The following CDH18 variants were observed in gnomAD, a reference collection of about 807,000 sequenced individuals.
CDH18 encodes cadherin 18, also known as cadherin-18.
Under a neutral mutation model 67.9 loss-of-function variants are expected in CDH18, and 31 were observed. The ratio of observed to expected loss-of-function variants is 0.46; its 90% CI spans 0.34 to 0.62. The LOEUF (loss-of-function observed/expected upper bound fraction) is 0.62, where lower values mean the gene tolerates loss of function less well. Ranked by LOEUF, CDH18 falls within the 20% of genes least tolerant of loss-of-function variation. The pLI, the probability that CDH18 is intolerant of heterozygous loss-of-function variation, is 0.01. For synonymous variants in CDH18, 362 were observed against 347.2 expected (o/e 1.04, Z -0.48); for missense variants, 890 against 975.5 (o/e 0.91, Z 1.17).
chr5:20,319,966 A>T (rs4513700), intron 1 of CDH18, among the ~76,000 whole-genome samples: 16,236 of 152,172 alleles, frequency 0.11, 942 homozygotes, highest in Non-Finnish European at 0.13. Flanking sequence ...GTCTTTTGAT[A>T]TGTCTGCATG....
intron 5 of CDH18, among the ~76,000 whole-genome samples, chr5:19,669,071 A>G (rs940621189): frequency 1.0e-4 from 15 of 148,998 alleles, no homozygotes; most frequent in African/African-American, 3.4e-4. Flanking sequence ...TTCAGAGCAT[A>G]ATGATTACTT....
intron 9 of CDH18, among the ~76,000 whole-genome samples, chr5:19,535,631 A>G (rs531264772): frequency 1.6e-4 from 24 of 152,270 alleles, no homozygotes; most frequent in Non-Finnish European, 3.5e-4. Context: ...TAGTCTTTGG[A>G]TATGTTTGCA....
chr5:20,469,415 C>T (rs1581058794), intron 1 of CDH18, among the ~76,000 whole-genome samples: 1 of 152,246 alleles, frequency 6.6e-6, no homozygotes, highest in East Asian at 1.9e-4. Context: ...TTTATCTTCG[C>T]TTCTGCCTTT....
intron 5 of CDH18, among the ~76,000 whole-genome samples, chr5:19,704,700 G>A (rs1275516130): frequency 6.6e-6 from 1 of 152,156 alleles, no homozygotes; most frequent in Non-Finnish European, 1.5e-5. Context: ...ACTAAGTAAA[G>A]AGAAACTGGA....
chr5:19,587,727 T>C (rs556392301), intron 7 of CDH18, among the ~76,000 whole-genome samples: 2 of 152,114 alleles, frequency 1.3e-5, no homozygotes, highest in East Asian at 3.9e-4. Flanking sequence ...TCAGATAGCA[T>C]AATGCCTCCA....
At chr5:19,998,307 A>T (rs1736168374) in intron 2 of CDH18, among the ~76,000 whole-genome samples, 1 of 152,282 alleles carries the variant, frequency 6.6e-6, no homozygotes, top group African/African-American at 2.4e-5. Context: ...TTAAAATAAT[A>T]AAAAATTAAA....
chr5:20,459,186 G>A (rs542034969), intron 1 of CDH18, among the ~76,000 whole-genome samples: 14 of 152,238 alleles, frequency 9.2e-5, no homozygotes, highest in Non-Finnish European at 1.3e-4. Context: ...ACTGGGGGAG[G>A]GAATCCAGTT....
At chr5:19,770,851 T>TG (rs1425147546) in intron 3 of CDH18, among the ~76,000 whole-genome samples, 1 of 152,162 alleles carries the variant, frequency 6.6e-6, no homozygotes, top group Non-Finnish European at 1.5e-5. Context: ...TTTTGTATTT[T>TG]GGGGGGCAAA....
chr5:19,742,414 A>G (rs1769334951), intron 4 of CDH18, among the ~76,000 whole-genome samples: 1 of 151,846 alleles, frequency 6.6e-6, no homozygotes, highest in Admixed American at 6.6e-5. Flanking sequence ...GGGTACACAC[A>G]CACACACACA....
intron 1 of CDH18, among the ~76,000 whole-genome samples, chr5:20,336,304 G>T (rs1739731461): frequency 6.6e-6 from 1 of 152,156 alleles, no homozygotes; most frequent in Admixed American, 6.5e-5. Context: ...ACAGTTAGGG[G>T]CTGGTTAGGC....
chr5:19,921,399 C>T (rs77671178), intron 2 of CDH18, among the ~76,000 whole-genome samples: 5 of 151,728 alleles, frequency 3.3e-5, no homozygotes, highest in Admixed American at 6.6e-5. Flanking sequence ...GGAGTGGTGG[C>T]GGGCACCTGT....
intron 2 of CDH18, among the ~76,000 whole-genome samples, chr5:20,022,698 AAAAC>A (rs1161583659): frequency 6.6e-6 from 1 of 152,224 alleles, no homozygotes; most frequent in Non-Finnish European, 1.5e-5. Context: ...AGTTAAGAAA[AAAAC>A]AAAGAATTCT....
chr5:20,521,615 G>A (rs1007899607), intron 1 of CDH18, among the ~76,000 whole-genome samples: 1 of 152,120 alleles, frequency 6.6e-6, no homozygotes, highest in African/African-American at 2.4e-5. Flanking sequence ...TGGGGCAGTA[G>A]TTGAAGGGAG....
intron 2 of CDH18, among the ~76,000 whole-genome samples, chr5:19,930,109 G>C (rs1793518615): frequency 6.6e-6 from 1 of 152,022 alleles, no homozygotes; most frequent in Non-Finnish European, 1.5e-5. Context: ...AATCTTTAAA[G>C]AACCTTAAGG....
chr5:20,376,164 G>A (rs1743417117), intron 1 of CDH18, among the ~76,000 whole-genome samples: 1 of 139,070 alleles, frequency 7.2e-6, no homozygotes, highest in Non-Finnish European at 1.5e-5. Context: ...CGCGATCTCG[G>A]CTCACTGCAG....
At chr5:20,049,938 C>T (rs1435974) in intron 2 of CDH18, among the ~76,000 whole-genome samples, 132,224 of 151,778 alleles carry the variant, frequency 0.87, 59,387 homozygotes, top group East Asian at 1. Context: ...TTATATTAAC[C>T]AAAGTTGAAA....
intron 10 of CDH18, among the ~76,000 whole-genome samples, chr5:19,516,602 T>A (rs1288218646): frequency 6.6e-6 from 1 of 152,198 alleles, no homozygotes; most frequent in African/African-American, 2.4e-5. Flanking sequence ...CAGGACTGTA[T>A]CCATTTCTTC....
At chr5:20,363,334 A>C (rs1742243313) in intron 1 of CDH18, among the ~76,000 whole-genome samples, 1 of 152,074 alleles carries the variant, frequency 6.6e-6, no homozygotes, top group South Asian at 2.1e-4. Context: ...AAAATACGAA[A>C]GTAAGCCAGG....
chr5:19,956,997 T>C (rs1180743108), intron 2 of CDH18, among the ~76,000 whole-genome samples: 1 of 151,978 alleles, frequency 6.6e-6, no homozygotes, highest in Non-Finnish European at 1.5e-5. Flanking sequence ...TTACTTTTAA[T>C]ACCACTTACT....
Sources: allele counts gnomAD v4.1 joint callset (sites outside exome capture counted in the v4.1 genomes callset), GRCh38; gene constraint gnomAD v4.1.1; transcripts MANE v1.5; gene names NCBI Gene and HGNC (gene_info 2026-07-23, HGNC 2026-07-21).